The following LOXL3 variants were observed in gnomAD, a reference collection of about 807,000 sequenced individuals.
LOXL3 encodes the protein lysyl oxidase homolog 3.
In LOXL3, 60 loss-of-function variants were observed where a neutral mutation model predicts 91.8. The observed-to-expected ratio is 0.65, with a 90% confidence interval of 0.53 to 0.81. The LOEUF (loss-of-function observed/expected upper bound fraction) is 0.81. Ranked by LOEUF, LOXL3 falls within the 30% of genes least tolerant of loss-of-function variation. The probability of loss-of-function intolerance (pLI) is 0.00; values close to 1 mark genes in which losing one functional copy is unlikely to be tolerated. For missense variants in LOXL3, 874 were observed against 1,000.4 expected (o/e 0.87, Z 1.70); for synonymous variants, 355 against 387.6 (o/e 0.92, Z 0.99).
Position 74,534,721 on chromosome 2 carries a change from C to T in LOXL3, c.1633G>A (p.Glu545Lys), listed in dbSNP as rs747365929. 9 of 1,614,016 alleles carry T rather than the reference C, an allele frequency of 5.6e-6. No individual in the cohort carries two copies. The highest frequency in any genetic ancestry group is 7.6e-6 in the Non-Finnish European group (9 of 1,180,040). ...TACAACATATGCAGGGGCCGGTCTT[C>T]GATGTAGGCGGTCTCCTGCACCAGT... The part of the protein sequence containing the change: ...SALVQETAYI[E>K]DRPLHMLYCA... Residue 545 changes from glutamate (E) to lysine (K), a missense_variant, in exon 10 of 14, where the codon GAA becomes AAA. Physicochemically the swap from Glu to Lys is moderately conservative, Grantham distance 56 (BLOSUM62 1). Coordinates refer to ENST00000264094, the MANE Select transcript of LOXL3 (RefSeq NM_032603.5).
upstream of LOXL3, chr2:74,554,857 T>G (rs1677300658): frequency 1.9e-6 from 3 of 1,610,692 alleles, no homozygotes; most frequent in Non-Finnish European, 2.5e-6. The surrounding 1 kb of genome is among the most constrained non-coding windows in gnomAD (Gnocchi z 4.9). Flanking sequence ...GGGCTAGTAG[T>G]GGGTGAGAGA....
intron 4 of LOXL3, among the ~76,000 whole-genome samples, chr2:74,542,522 A>G (rs907167716): frequency 8.0e-5 from 12 of 149,192 alleles, no homozygotes; most frequent in African/African-American, 2.4e-4. Flanking sequence ...CTACACATGC[A>G]CACACACACA....
chr2:74,535,421 CTG>C lies in LOXL3; in HGVS notation c.1448_1449del (p.Thr483ArgfsTer13). The C allele has an allele frequency of 6.2e-7, 1 of 1,614,100 alleles. No homozygotes were observed. Among genetic ancestry groups the C allele is most frequent in the Non-Finnish European group, 8.5e-7 (1 of 1,180,038 alleles). On this transcript the variant is annotated frameshift_variant, in exon 9 of 14. Transcript: ENST00000264094. LOFTEE classifies it high-confidence loss of function. The surrounding 1 kb of genome is among the most constrained non-coding windows in gnomAD (Gnocchi z 4.2). The part of the protein sequence containing the change: ...ETWYWDSGNI[T>X]EVVMSGVRCT... ...CAGCGCACTCCACTCATCACCACCT[CTG>C]TTATATTCCCAGAGTCCCAGTACCA... is the stretch of plus-strand genomic sequence containing the variant.
intron 4 of LOXL3, among the ~76,000 whole-genome samples, chr2:74,547,287 G>C (rs1676651147): frequency 6.6e-6 from 1 of 152,160 alleles, no homozygotes. Flanking sequence ...CCAAAGTCCT[G>C]GGATTATAGG....
Position 74,536,357 on chromosome 2 carries a change from C to G in LOXL3, c.1027G>C (p.Val343Leu). The change falls in exon 6 of 14, where the codon GTG becomes CTG. Residue 343 changes from valine to leucine, a missense_variant. By Grantham distance (32) the Val-to-Leu change is conservative. Transcript: ENST00000264094. The surrounding 1 kb of genome is among the most constrained non-coding windows in gnomAD (Gnocchi z 4.5). ...CCGAAGCCCAGCTCCCGACACACCA[C>G]GCTGGCTGCATGCAGGTCCCACTTG... ...DRKWDLHAAS[V>L]VCRELGFGSA... is the part of the protein sequence containing the mutation. The G allele has an allele frequency of 6.2e-7, 1 of 1,614,160 alleles. No individual in the cohort carries two copies. The highest frequency in any genetic ancestry group is 2.2e-5 in the East Asian group (1 of 44,886).
upstream of LOXL3, chr2:74,554,681 A>G (rs975824816): frequency 6.7e-7 from 1 of 1,497,100 alleles, no homozygotes. The surrounding 1 kb of genome is among the most constrained non-coding windows in gnomAD (Gnocchi z 4.9). Context: ...AAACTCCTCC[A>G]GGGAACCCGG....
rs140858640 is a variant in LOXL3 at position 74,546,652 on chromosome 2, A to G, written c.692+2717T>C. ...TCACCTCCTTTAAATCTTTTCTCAA[A>G]TGATGCCTTCTCCAAGAGGCCTTCC... is the stretch of plus-strand genomic sequence containing the variant. On this transcript the variant is annotated intron_variant, in intron 4 of 13. Coordinates refer to ENST00000264094, the MANE Select transcript of LOXL3 (RefSeq NM_032603.5). Among the ~76,000 whole-genome samples, 309 of 152,280 alleles carry G rather than the reference A, an allele frequency of 2.0e-3. 1 individual carries two copies. The highest frequency in any genetic ancestry group is 7.2e-3 in the African/African-American group (299 of 41,558).
Position 74,550,326 on chromosome 2 carries a change from C to T in LOXL3, c.336G>A (p.Leu112=). ...PGTGRIWLDN[L]SCSGTEQSVT... ...CACTCTGCTCGGTCCCACTGCAGCT[C>T]AAGTTGTCCAGCCAGATGCGGCCTG... The change falls in exon 3 of 14, where the codon TTG becomes TTA. Residue 112 remains leucine (L), a synonymous_variant. Coordinates refer to ENST00000264094, the MANE Select transcript of LOXL3 (RefSeq NM_032603.5). The T allele has an allele frequency of 6.2e-7, 1 of 1,613,832 alleles. No homozygotes were observed. Among genetic ancestry groups the T allele is most frequent in the Non-Finnish European group, 8.5e-7 (1 of 1,179,848 alleles).
At chr2:74,552,205 A>T (rs1677057594) in intron 2 of LOXL3, 117 bp downstream of exon 2, 3 of 917,152 alleles carry the variant, frequency 3.3e-6, no homozygotes, top group Non-Finnish European at 3.3e-6. Flanking sequence ...GGATTTACTC[A>T]ATGCTGGCTG....
chr2:74,536,796 G>GC lies in LOXL3; in HGVS notation c.824dup (p.Ala277CysfsTer57), dbSNP rs746133895. 144 of 1,612,022 alleles carry GC rather than the reference G, an allele frequency of 8.9e-5. No individual in the cohort carries two copies. Among genetic ancestry groups the GC allele is most frequent in the East Asian group, 6.7e-5 (3 of 44,864 alleles). On this transcript the variant is annotated frameshift_variant, in exon 5 of 14. Transcript: ENST00000264094. LOFTEE classifies it high-confidence loss of function. The surrounding 1 kb of genome is among the most constrained non-coding windows in gnomAD (Gnocchi z 4.5). ...CTGGCACACAGCTCACCACTGCAGG[G>GC]CCCCCCCCAGGGCACCTGGCGGTGT...
chr2:74,554,772 G>A (rs1230695830), upstream of LOXL3: 3 of 1,613,906 alleles, frequency 1.9e-6, no homozygotes, highest in African/African-American at 2.7e-5. The surrounding 1 kb of genome is among the most constrained non-coding windows in gnomAD (Gnocchi z 4.9). Flanking sequence ...GAGCAGTGAT[G>A]GAAGGGCCGC....
Position 74,550,193 on chromosome 2 carries a change from C to A in LOXL3, c.469G>T (p.Val157Phe). 2 of 1,613,298 alleles carry A rather than the reference C, an allele frequency of 1.2e-6. No individual in the cohort carries two copies. The highest frequency in any genetic ancestry group is 1.7e-6 in the Non-Finnish European group (2 of 1,179,490). ...QRLPGFSDSN[V>F]IEVEHHLQVE... ...GTCTAGGAAATGCAGACCTCAATGA[C>A]ATTGGAGTCCGAGAAGCCAGGGAGG... Residue 157 changes from valine (V) to phenylalanine (F), a missense_variant, in exon 3 of 14, where the codon GTC (valine) becomes TTC (phenylalanine). Coordinates refer to ENST00000264094, the MANE Select transcript of LOXL3 (RefSeq NM_032603.5).
upstream of LOXL3, chr2:74,554,379 G>A: frequency 4.0e-6 from 1 of 251,664 alleles, no homozygotes; most frequent in Non-Finnish European, 7.7e-6. The surrounding 1 kb of genome is among the most constrained non-coding windows in gnomAD (Gnocchi z 4.9). Flanking sequence ...GGAGGCCCGT[G>A]TGGGTCTCTC....
chr2:74,554,692 C>CCCCGCCTCCCGCCCCGCCT (rs1553401897), upstream of LOXL3: 4,532 of 1,544,866 alleles, frequency 2.9e-3, 22 homozygotes, highest in Admixed American at 2.8e-3. The surrounding 1 kb of genome is among the most constrained non-coding windows in gnomAD (Gnocchi z 4.9). Context: ...GGGAACCCGG[C>CCCCGCCTCCCGCCCCGCCT]CCCGCCTCCC....
Position 74,536,869 on chromosome 2 carries a change from G to A in LOXL3, c.752C>T (p.Thr251Met), listed in dbSNP as rs375983669. ...FGLHGVACVGTEAHLSLCSLE... is the reference protein window; with the variant it reads ...FGLHGVACVGMEAHLSLCSLE... ...GGAACAGAGGGAGAGGTGGGCCTCC[G>A]TGCCCACGCACGCCACCCCATGCAG... Residue 251 changes from threonine to methionine, a missense_variant, in exon 5 of 14, where the codon ACG becomes ATG. By Grantham distance (81) the Thr-to-Met change is moderately conservative. Transcript: ENST00000264094. This position sits in a 1 kb window ranked among gnomAD's most constrained non-coding sequence, Gnocchi z 4.5. The A allele has an allele frequency of 1.6e-4, 266 of 1,614,050 alleles. 1 individual carries two copies. The highest frequency in any genetic ancestry group is 2.0e-4 in the Non-Finnish European group (231 of 1,180,038).
At chr2:74,546,452 C>T (rs1377529544) in intron 4 of LOXL3, among the ~76,000 whole-genome samples, 1 of 152,178 alleles carries the variant, frequency 6.6e-6, no homozygotes, top group Non-Finnish European at 1.5e-5. Context: ...ACTGCATCTC[C>T]TACCATTTTC....
chr2:74,535,189 T>C lies in LOXL3; in HGVS notation c.1579+103A>G, dbSNP rs1483025432. Reference sequence around the variant, plus strand: ...ACTGCACCCGGCGAAACTGGCTCTTTTATGGGGAAGAAGTGCCCCTCCAGA... The same window carrying C: ...ACTGCACCCGGCGAAACTGGCTCTTCTATGGGGAAGAAGTGCCCCTCCAGA... On this transcript the variant is annotated intron_variant, in intron 9 of 13. Coordinates refer to ENST00000264094, the MANE Select transcript of LOXL3 (RefSeq NM_032603.5). The surrounding 1 kb of genome is among the most constrained non-coding windows in gnomAD (Gnocchi z 4.2). 1.5e-6 allele frequency: 2 copies of C among 1,363,340 alleles called. No homozygotes were observed. Among genetic ancestry groups the C allele is most frequent in the Non-Finnish European group, 2.0e-6 (2 of 1,007,554 alleles). The allele number at this position is 1,363,340 out of a possible 1,614,324, so 84.5% of individuals were successfully genotyped here.
Position 74,532,712 on chromosome 2 carries a change from C to T in LOXL3, c.*894G>A. The T allele has an allele frequency of 6.2e-7, 1 of 1,613,018 alleles. No individual in the cohort carries two copies. The highest frequency in any genetic ancestry group is 8.5e-7 in the Non-Finnish European group (1 of 1,179,218). On this transcript the variant is annotated 3_prime_UTR_variant, in exon 14 of 14. Transcript: ENST00000264094. ...AAGTCATCCTGGGCTCCCCTGCACA[C>T]CGGTGAGGGAGAGGCTGCAGTGTGA...
Position 74,534,146 on chromosome 2 carries a change from T to C in LOXL3, c.2030A>G (p.Gln677Arg), listed in dbSNP as rs1675837383. ...CTTCACATCCGTGATGTCAATCCAC[T>C]GACAGTCAATGTCATGCCGGTAGAG... is the stretch of plus-strand genomic sequence containing the variant. The part of the protein sequence containing the change: ...WDLYRHDIDC[Q>R]WIDITDVKPG... Residue 677 changes from glutamine to arginine, a missense_variant, in exon 12 of 14, where the codon CAG becomes CGG. By Grantham distance (43) the Gln-to-Arg change is conservative (BLOSUM62 1). Transcript: ENST00000264094. The C allele has an allele frequency of 6.2e-7, 1 of 1,614,106 alleles. No homozygotes were observed. The highest frequency in any genetic ancestry group is 8.5e-7 in the Non-Finnish European group (1 of 1,180,044).
Sources: gnomAD v4.1 joint callset for allele counts (sites outside exome capture counted in the v4.1 genomes callset) on GRCh38, gnomAD v4.1.1 for gene constraint, Gnocchi (gnomAD v3.1) non-coding constraint, MANE v1.5 for transcripts, NCBI Gene and HGNC (gene_info 2026-07-23, HGNC 2026-07-21) for gene names.